EML5: variants seen among roughly 807,000 people sequenced by gnomAD.
EML5 encodes echinoderm microtubule-associated protein-like 5.
Under a neutral mutation model 250.0 loss-of-function variants are expected in EML5, and 120 were observed. The ratio of observed to expected loss-of-function variants is 0.48; its 90% CI spans 0.41 to 0.56. The LOEUF (loss-of-function observed/expected upper bound fraction) is 0.56. EML5 is among the 20% of genes least tolerant of loss of function. The pLI, the probability that EML5 is intolerant of heterozygous loss-of-function variation, is 0.00. For missense variants in EML5, 2,006 were observed against 2,437.6 expected (o/e 0.82, Z 3.73); for synonymous variants, 771 against 806.5 (o/e 0.96, Z 0.75).
At chr14:88,652,461 G>C (rs545464984) in intron 27 of EML5, among the ~76,000 whole-genome samples, 1 of 152,186 alleles carries the variant, frequency 6.6e-6, no homozygotes, top group South Asian at 2.1e-4. Flanking sequence ...ATCCATAGGT[G>C]CAAACTCAAA....
chr14:88,768,554 G>A (rs1413213216), intron 1 of EML5, among the ~76,000 whole-genome samples: 3 of 152,016 alleles, frequency 2.0e-5, no homozygotes, highest in African/African-American at 7.2e-5. Context: ...GGAATTACAG[G>A]TGCCCGCCTC....
Position 88,712,384 on chromosome 14 carries a change from T to C in EML5, c.1544A>G (p.Tyr515Cys). The change falls in exon 10 of 44, where the codon TAT becomes TGT. Residue 515 changes from tyrosine to cysteine, a missense_variant. This residue lies in a region of EML5 where 1,375 missense variants were observed against 1,590.3 expected (regional missense o/e 0.86). Coordinates refer to ENST00000554922, the MANE Select transcript of EML5 (RefSeq NM_183387.3). The part of the protein sequence containing the change: ...GLEVNGIWPK[Y>C]SDINDINSVD... ...TGAATTTATATCGTTGATATCTGAATACTTGGGCCAAATTCCATTTACTTC... is the reference window on the plus strand; with the variant it reads ...TGAATTTATATCGTTGATATCTGAACACTTGGGCCAAATTCCATTTACTTC... 1 of 1,613,584 alleles carries C rather than the reference T, an allele frequency of 6.2e-7. No individual in the cohort carries two copies. The highest frequency in any genetic ancestry group is 8.5e-7 in the Non-Finnish European group (1 of 1,179,644).
chr14:88,757,519 A>G (rs1417699876), intron 1 of EML5, among the ~76,000 whole-genome samples: 1 of 152,194 alleles, frequency 6.6e-6, no homozygotes, highest in Non-Finnish European at 1.5e-5. Context: ...ATCATCAAGA[A>G]CATAGTAATG....
rs1321405510 is a variant in EML5 at position 88,663,044 on chromosome 14, A to G, written c.3485T>C (p.Ile1162Thr). ...FEAPRGKKQT[I>T]PSVEVEKIAW... ...CTGTTGTCCTACCTCCACGCTGGGG[A>G]TGGTTTGTTTTTTCCCTCTGGGAGC... Residue 1162 changes from isoleucine (I) to threonine (T), a missense_variant, in exon 24 of 44, where the codon ATC becomes ACC. Physicochemically the swap from Ile to Thr is moderately conservative, Grantham distance 89. This residue lies in a region of EML5 where 1,375 missense variants were observed against 1,590.3 expected (regional missense o/e 0.86). Coordinates refer to ENST00000554922, the MANE Select transcript of EML5 (RefSeq NM_183387.3). The G allele has an allele frequency of 4.5e-6, 7 of 1,551,948 alleles. No individual in the cohort carries two copies. The highest frequency in any genetic ancestry group is 2.4e-5 in the South Asian group (2 of 84,018).
At chr14:88,648,094 T>G (rs1152385) in intron 28 of EML5, among the ~76,000 whole-genome samples, 24,276 of 152,110 alleles carry the variant, frequency 0.16, 2,445 homozygotes, top group African/African-American at 0.28. Context: ...AAAGTTTTTT[T>G]TCTCTCTTAA....
intron 21 of EML5, among the ~76,000 whole-genome samples, chr14:88,672,873 T>C: frequency 6.6e-6 from 1 of 152,030 alleles, no homozygotes; most frequent in East Asian, 1.9e-4. Context: ...CAATAACAGT[T>C]CTGAAATTTA....
chr14:88,705,348 G>C, intron 12 of EML5, 134 bp downstream of exon 12: 1 of 727,626 alleles, frequency 1.4e-6, no homozygotes, highest in Non-Finnish European at 2.3e-6. Context: ...AACACTGACA[G>C]TGGGAAAACT....
intron 42 of EML5, chr14:88,616,523 T>C (rs2087645839): frequency 1.6e-6 from 1 of 610,600 alleles, no homozygotes; most frequent in Admixed American, 3.0e-5. Context: ...TTACAGCTTT[T>C]GTAGGATGGT....
intron 1 of EML5, among the ~76,000 whole-genome samples, chr14:88,769,904 A>G (rs1459415060): frequency 6.6e-6 from 1 of 151,866 alleles, no homozygotes; most frequent in East Asian, 1.9e-4. Flanking sequence ...ACACAAAGAC[A>G]GTTCAGAATT....
intron 1 of EML5, among the ~76,000 whole-genome samples, chr14:88,773,425 T>C (rs1464447830): frequency 6.6e-6 from 1 of 152,122 alleles, no homozygotes; most frequent in Non-Finnish European, 1.5e-5. Flanking sequence ...GCCCAAAGTA[T>C]TTAAGGAGGT....
At chr14:88,748,080 T>G (rs1004957560) in intron 2 of EML5, among the ~76,000 whole-genome samples, 1 of 152,096 alleles carries the variant, frequency 6.6e-6, no homozygotes, top group South Asian at 2.1e-4. Context: ...GGAATCCAAA[T>G]AGAGCCTGGT....
chr14:88,653,209 G>T (rs1238726165), intron 27 of EML5, among the ~76,000 whole-genome samples: 1 of 152,116 alleles, frequency 6.6e-6, no homozygotes, highest in Non-Finnish European at 1.5e-5. Flanking sequence ...AGACAATAGA[G>T]TTTTCTAAAT....
At chr14:88,724,114 C>CAAAA (rs5810422) in intron 8 of EML5, among the ~76,000 whole-genome samples, 1 of 145,242 alleles carries the variant, frequency 6.9e-6, no homozygotes, top group Non-Finnish European at 1.5e-5. Context: ...ACTAAAAATA[C>CAAAA]AAAAAAAAAA....
At chr14:88,738,388 A>C (rs1455400221) in intron 6 of EML5, among the ~76,000 whole-genome samples, 1 of 150,418 alleles carries the variant, frequency 6.6e-6, no homozygotes, top group African/African-American at 2.5e-5. Flanking sequence ...GTCCTGTTTT[A>C]TTACATCAAT....
chr14:88,639,040 T>C (rs1268031375), intron 31 of EML5, 133 bp from the exon 32 acceptor site: 4 of 639,888 alleles, frequency 6.3e-6, no homozygotes, highest in Admixed American at 6.0e-5. Context: ...TTACTATGTA[T>C]ACAGCATCAT....
At chr14:88,637,733 T>C (rs890119345) in intron 32 of EML5, among the ~76,000 whole-genome samples, 17 of 152,170 alleles carry the variant, frequency 1.1e-4, no homozygotes, top group Non-Finnish European at 2.4e-4. Flanking sequence ...GGTACTTAGG[T>C]AACATAGTTT....
intron 1 of EML5, among the ~76,000 whole-genome samples, chr14:88,777,383 A>G (rs989692671): frequency 2.0e-5 from 3 of 152,218 alleles, no homozygotes; most frequent in African/African-American, 7.2e-5. Context: ...TTTCCCAAAC[A>G]AAAGCTGAGG....
chr14:88,622,144 G>A lies in EML5; in HGVS notation c.5013+460C>T, dbSNP rs146409837. 1.9e-4 allele frequency: 35 copies of A among 183,904 alleles called. 1 individual carries two copies. In the East Asian group the frequency reaches 4.1e-3, roughly 21 times the overall value. 11.4% of individuals were successfully genotyped at this position (183,904 alleles called of 1,614,324 possible). A position where few individuals can be genotyped will look rare whatever the true frequency, so the allele number is the denominator to read the frequency against. On this transcript the variant is annotated intron_variant, in intron 37 of 43. Transcript: ENST00000554922. ...AACATGTATTTATCTTTCTGTGCCT[G>A]GCTTATTTCACTTCACATCATGTCC...
At chr14:88,644,222 T>C (rs866284861) in intron 30 of EML5, among the ~76,000 whole-genome samples, 23 of 152,264 alleles carry the variant, frequency 1.5e-4, no homozygotes, top group South Asian at 8.3e-4. Context: ...TAGGGTATTA[T>C]TCACAGAAAA....
Sources: gnomAD v4.1 joint callset for allele counts (sites outside exome capture counted in the v4.1 genomes callset) on GRCh38, gnomAD v4.1.1 for gene constraint, gnomAD v4.1.1 regional missense constraint, MANE v1.5 for transcripts, NCBI Gene and HGNC (gene_info 2026-07-23, HGNC 2026-07-21) for gene names.